The following MMP26 variants were observed in gnomAD, a reference collection of about 807,000 sequenced individuals.
The protein encoded by MMP26 is matrix metalloproteinase-26.
Under a neutral mutation model 31.0 loss-of-function variants are expected in MMP26, and 33 were observed. The ratio of observed to expected loss-of-function variants is 1.06; its 90% CI spans 0.81 to 1.42. The LOEUF is 1.42. Ranked by LOEUF, MMP26 falls within the 40% of genes most tolerant of loss-of-function variation. The probability of loss-of-function intolerance (pLI) is 0.00; values close to 1 mark genes in which losing one functional copy is unlikely to be tolerated. For synonymous variants in MMP26, 122 were observed against 114.9 expected (o/e 1.06, Z -0.40); for missense variants, 347 against 316.1 (o/e 1.10, Z -0.74).
At chr11:4,931,140 G>T (rs922019155) in intron 2 of MMP26, among the ~76,000 whole-genome samples, 2 of 151,964 alleles carry the variant, frequency 1.3e-5, no homozygotes, top group African/African-American at 4.8e-5. Flanking sequence ...ATAAATGTTC[G>T]ATATCAGGAA....
intron 2 of MMP26, among the ~76,000 whole-genome samples, chr11:4,775,122 G>A (rs756016195): frequency 6.6e-6 from 1 of 152,052 alleles, no homozygotes; most frequent in Non-Finnish European, 1.5e-5. Flanking sequence ...CTCTTTTCTG[G>A]TTCCATATTA....
intron 5 of MMP26, among the ~76,000 whole-genome samples, chr11:4,990,962 G>GT (rs1244864960): frequency 2.0e-5 from 3 of 152,164 alleles, no homozygotes; most frequent in Non-Finnish European, 2.9e-5. Context: ...TGTGAATATG[G>GT]TGGGGGTACT....
intron 2 of MMP26, among the ~76,000 whole-genome samples, chr11:4,889,011 T>C (rs1299764318): frequency 6.6e-6 from 1 of 152,186 alleles, no homozygotes; most frequent in Non-Finnish European, 1.5e-5. Context: ...TCATATAAAC[T>C]GTGTAACTAA....
At chr11:4,766,619 C>A (rs1014092074) in intron 1 of MMP26, among the ~76,000 whole-genome samples, 1 of 151,458 alleles carries the variant, frequency 6.6e-6, no homozygotes, top group African/African-American at 2.4e-5. Flanking sequence ...AAATGGGTAT[C>A]CTTGCTTGGT....
intron 1 of MMP26, among the ~76,000 whole-genome samples, chr11:4,734,420 G>C (rs1174228529): frequency 6.6e-6 from 1 of 151,680 alleles, no homozygotes; most frequent in African/African-American, 2.4e-5. Flanking sequence ...TATTCCTTCT[G>C]CTTGATTTAG....
chr11:4,915,547 C>A, intron 2 of MMP26: 1 of 1,614,080 alleles, frequency 6.2e-7, no homozygotes, highest in Non-Finnish European at 8.5e-7. Flanking sequence ...AAACCAGATA[C>A]ATGAAGCACA....
rs559910290 is a variant in MMP26, at chr11:4,972,630, A to G, written c.-144-15438A>G. ...CTGATCACTGCCCAGTTATCATGTAAGTGTATACCATTAATTTTCAAATTA... is the reference window on the plus strand; with the variant it reads ...CTGATCACTGCCCAGTTATCATGTAGGTGTATACCATTAATTTTCAAATTA... On this transcript the variant is annotated intron_variant, in intron 2 of 7. Transcript: ENST00000380390. Among the ~76,000 whole-genome samples the G allele has an allele frequency of 2.6e-4, 39 of 152,268 alleles. No homozygotes were observed. The South Asian group carries it at 7.9e-3, about 31-fold the overall frequency.
chr11:4,899,720 AC>A (rs1011355461), intron 2 of MMP26, among the ~76,000 whole-genome samples: 1 of 152,090 alleles, frequency 6.6e-6, no homozygotes, highest in African/African-American at 2.4e-5. Flanking sequence ...CAGGCTAATG[AC>A]CTCTTTCCTT....
intron 2 of MMP26, among the ~76,000 whole-genome samples, chr11:4,967,310 C>T (rs1589820908): frequency 6.6e-6 from 1 of 152,198 alleles, no homozygotes; most frequent in African/African-American, 2.4e-5. Flanking sequence ...AGTCTGGTCT[C>T]ATTAGATTTG....
In MMP26 at chr11:4,988,263, G is replaced by A. The variant is rs778362234; in HGVS notation, c.52G>A (p.Val18Ile). The change falls in exon 3 of 8, where the codon GTT (valine) becomes ATT (isoleucine). Residue 18 changes from valine (V) to isoleucine (I), a missense_variant. Val to Ile is a conservative substitution (Grantham distance 29, BLOSUM62 3). Coordinates refer to ENST00000380390, the MANE Select transcript of MMP26 (RefSeq NM_021801.5). ...TATCTTCTTGCCCTGGTGTTTCGCC[G>A]TTCCAGTGCCCCCTGCTGCAGACCA... Reference protein sequence around the residue: ...VTIFLPWCFAVPVPPAADHKG... With the variant: ...VTIFLPWCFAIPVPPAADHKG... The A allele has an allele frequency of 3.0e-5, 48 of 1,614,074 alleles. No homozygotes were observed. The highest frequency in any genetic ancestry group is 3.4e-5 in the Non-Finnish European group (40 of 1,180,014).
At chr11:4,786,996 C>T (rs554371913) in intron 2 of MMP26, 4 of 153,010 alleles carry the variant, frequency 2.6e-5, no homozygotes, top group African/African-American at 9.6e-5. Flanking sequence ...CCACAATGCC[C>T]ACGACCCTCA....
chr11:4,730,404 A>AGAGAGAGAGAGAGAGAGAG (rs1848157903), intron 1 of MMP26, among the ~76,000 whole-genome samples: 63 of 145,042 alleles, frequency 4.3e-4, no homozygotes, highest in African/African-American at 1.6e-3. Flanking sequence ...GTTTCTGGGA[A>AGAGAGAGAGAGAGAGAGAG]AGAGAGAGAG....
At chr11:4,989,533 A>G in intron 3 of MMP26, 115 bp from the exon 4 acceptor site, 1 of 726,668 alleles carries the variant, frequency 1.4e-6, no homozygotes, top group Non-Finnish European at 2.3e-6. Flanking sequence ...AGACTTAGGA[A>G]GGCCAGACTA....
intron 1 of MMP26, among the ~76,000 whole-genome samples, chr11:4,729,605 A>C (rs1042215700): frequency 1.3e-5 from 2 of 152,186 alleles, no homozygotes; most frequent in Admixed American, 1.3e-4. Context: ...GGTATTGAGC[A>C]GAGTAAAATA....
intron 2 of MMP26, among the ~76,000 whole-genome samples, chr11:4,874,100 G>T (rs1018164916): frequency 6.6e-6 from 1 of 151,972 alleles, no homozygotes; most frequent in Admixed American, 6.6e-5. Flanking sequence ...TCCAATTGTT[G>T]AAGTTTCAAA....
intron 2 of MMP26, chr11:4,882,037 G>T (rs1302874120): frequency 7.4e-6 from 12 of 1,613,652 alleles, no homozygotes; most frequent in Non-Finnish European, 8.5e-6. Flanking sequence ...GAAACAGTAT[G>T]ATCTTTCTTG....
intron 2 of MMP26, among the ~76,000 whole-genome samples, chr11:4,927,067 C>G (rs1765612795): frequency 6.6e-6 from 1 of 152,132 alleles, no homozygotes; most frequent in Non-Finnish European, 1.5e-5. Flanking sequence ...CCTTTCAGCT[C>G]TAATTTATTG....
chr11:4,907,126 C>T (rs7938052), intron 2 of MMP26, among the ~76,000 whole-genome samples: 1,455 of 85,260 alleles, frequency 0.017, 31 homozygotes, highest in African/African-American at 0.055. Context: ...TCCTAAAAAT[C>T]CTAAAAAGTC....
rs369697868 is a variant in MMP26, at chr11:4,923,690, A to G, written c.-144-64378A>G. ...GCGAAGGATGAGGGCGTATGAGAGA[A>G]AGATGAGCAGGGAGTCCACACCCAC... On this transcript the variant is annotated intron_variant, in intron 2 of 7. Transcript: ENST00000380390. 1.1e-5 allele frequency: 18 copies of G among 1,613,984 alleles called. No individual in the cohort carries two copies. The highest frequency in any genetic ancestry group is 1.1e-5 in the Non-Finnish European group (13 of 1,180,024).
Sources: allele counts gnomAD v4.1 joint callset (sites outside exome capture counted in the v4.1 genomes callset), GRCh38; gene constraint gnomAD v4.1.1; transcripts MANE v1.5; gene names NCBI Gene and HGNC (gene_info 2026-07-23, HGNC 2026-07-21).